ANKRD54: variants seen among roughly 807,000 people sequenced by gnomAD.
The protein encoded by ANKRD54 is ankyrin repeat domain 54.
In ANKRD54, 26 loss-of-function variants were observed where a neutral mutation model predicts 36.2. The ratio of observed to expected loss-of-function variants is 0.72; its 90% CI spans 0.53 to 1.00. The LOEUF is 1.00. Ranked by LOEUF, ANKRD54 falls within the 50% of genes least tolerant of loss-of-function variation. The pLI, the probability that ANKRD54 is intolerant of heterozygous loss-of-function variation, is 0.00. For missense variants in ANKRD54, 384 were observed against 424.3 expected (o/e 0.91, Z 0.83); for synonymous variants, 209 against 188.4 (o/e 1.11, Z -0.89).
Position 37,844,034 on chromosome 22 carries a change from G to C in ANKRD54, c.205C>G (p.His69Asp). 1 of 1,439,168 alleles carries C rather than the reference G, an allele frequency of 6.9e-7. No individual in the cohort carries two copies. The highest frequency in any genetic ancestry group is 9.1e-7 in the Non-Finnish European group (1 of 1,102,380). 89.1% of individuals were successfully genotyped at this position (1,439,168 alleles called of 1,614,324 possible). A position where few individuals can be genotyped will look rare whatever the true frequency, so the allele number is the denominator to read the frequency against. Residue 69 changes from histidine (H) to aspartate (D), a missense_variant, in exon 1 of 8, where the codon CAC becomes GAC. By Grantham distance (81) the His-to-Asp change is moderately conservative. This residue lies in a region of ANKRD54 where 195 missense variants were observed against 177.7 expected (regional missense o/e 1.10). Coordinates refer to ENST00000215941, the MANE Select transcript of ANKRD54 (RefSeq NM_138797.4). ...GGAQSPLRYL[H>D]VLWQQDAEPR... ...TCCGCATCCTGCTGCCACAGGACGT[G>C]CAAGTAGCGCAGCGGCGACTGGGCC... is the stretch of plus-strand genomic sequence containing the variant.
Position 37,833,146 on chromosome 22 carries a change from A to G in ANKRD54, c.595+13T>C, listed in dbSNP as rs771910028. On this transcript the variant is annotated intron_variant, in intron 5 of 7. Coordinates refer to ENST00000215941, the MANE Select transcript of ANKRD54 (RefSeq NM_138797.4). ...GGGGAGAAAGAGGACAGAGAGGGGA[A>G]GAAACCACATACCTCCTCGTAGCAG... 3 of 1,613,948 alleles carry G rather than the reference A, an allele frequency of 1.9e-6. No individual in the cohort carries two copies. Among genetic ancestry groups the G allele is most frequent in the Admixed American group, 1.7e-5 (1 of 59,978 alleles).
upstream of ANKRD54, chr22:37,847,909 TCAGAGCAGACACCTGAAGGTGC>T: frequency 3.9e-6 from 1 of 259,698 alleles, no homozygotes; most frequent in Non-Finnish European, 8.3e-6. Context: ...GTGGATGGCA[TCAGAGCAGACACCTGAAGGTGC>T]CATGCAGATA....
chr22:37,838,785 C>G (rs566239179), intron 2 of ANKRD54, among the ~76,000 whole-genome samples, 187 bp from the exon 3 acceptor site: 1 of 152,302 alleles, frequency 6.6e-6, no homozygotes, highest in East Asian at 1.9e-4. Context: ...GAGGGCACAA[C>G]TGAAGGCCAT....
At chr22:37,849,333 C>T (rs749458077), upstream of ANKRD54, 10 of 1,347,856 alleles carry the variant, frequency 7.4e-6, no homozygotes, top group Admixed American at 1.7e-5. Context: ...GGCCAGAGGC[C>T]TCGGAAAGGC....
chr22:37,843,082 C>T (rs1924479795), intron 1 of ANKRD54, among the ~76,000 whole-genome samples: 1 of 152,240 alleles, frequency 6.6e-6, no homozygotes, highest in Non-Finnish European at 1.5e-5. Context: ...AGCATAACAG[C>T]TAAACATCCA....
intron 4 of ANKRD54, 150 bp from the exon 5 acceptor site, chr22:37,833,356 TCAGAA>T (rs1923140661): frequency 1.0e-6 from 1 of 982,772 alleles, no homozygotes; most frequent in African/African-American, 1.7e-5. Context: ...TAGGTAGGAC[TCAGAA>T]GTCAAGTTCA....
intron 6 of ANKRD54, 65 bp from the exon 7 acceptor site, chr22:37,832,809 C>A: frequency 6.2e-7 from 1 of 1,606,326 alleles, no homozygotes; most frequent in East Asian, 2.2e-5. Flanking sequence ...GATGCTGCTT[C>A]CAAAAAGCAC....
intron 1 of ANKRD54, among the ~76,000 whole-genome samples, chr22:37,840,638 C>T (rs1025468833): frequency 5.3e-5 from 8 of 151,924 alleles, no homozygotes; most frequent in Non-Finnish European, 1.2e-4. Flanking sequence ...GTAATCCCAG[C>T]ACTTTGGGAG....
At chr22:37,840,795 G>GC (rs1924136844) in intron 1 of ANKRD54, among the ~76,000 whole-genome samples, 3 of 151,464 alleles carry the variant, frequency 2.0e-5, no homozygotes, top group Admixed American at 2.0e-4. Flanking sequence ...GCTGAGGTAG[G>GC]AGAATCACTT....
chr22:37,838,683 T>C, intron 2 of ANKRD54, 85 bp from the exon 3 acceptor site: 1 of 1,375,436 alleles, frequency 7.3e-7, no homozygotes, highest in Non-Finnish European at 1.0e-6. Context: ...AGAGGGAGGC[T>C]CAGGGGTGCC....
intron 1 of ANKRD54, among the ~76,000 whole-genome samples, chr22:37,842,686 C>G (rs987209583): frequency 6.6e-6 from 1 of 152,196 alleles, no homozygotes; most frequent in African/African-American, 2.4e-5. Context: ...ATGACAATTC[C>G]TTGCTTTCAT....
intron 4 of ANKRD54, 104 bp from the exon 5 acceptor site, chr22:37,833,310 G>A: frequency 7.0e-7 from 1 of 1,419,930 alleles, no homozygotes; most frequent in African/African-American, 1.4e-5. Context: ...CCTGTGCCAA[G>A]TTATGCCTAC....
chr22:37,842,240 C>T (rs1213810475), intron 1 of ANKRD54, among the ~76,000 whole-genome samples: 1 of 152,112 alleles, frequency 6.6e-6, no homozygotes, highest in South Asian at 2.1e-4. Flanking sequence ...GGTGGTAAAG[C>T]GAGACTCTCG....
chr22:37,836,349 G>A (rs1003735412), intron 3 of ANKRD54, among the ~76,000 whole-genome samples: 1 of 149,600 alleles, frequency 6.7e-6, no homozygotes, highest in African/African-American at 2.5e-5. Flanking sequence ...GGGAGGATGA[G>A]GCAGGAGAAT....
At chr22:37,848,823 C>A (rs1160951677), upstream of ANKRD54, 1 of 152,540 alleles carries the variant, frequency 6.6e-6, no homozygotes, top group Non-Finnish European at 1.5e-5. Flanking sequence ...TTCCTTCACG[C>A]GAGAAGCCGG....
At chr22:37,842,348 C>G (rs922462710) in intron 1 of ANKRD54, among the ~76,000 whole-genome samples, 1 of 152,212 alleles carries the variant, frequency 6.6e-6, no homozygotes, top group Non-Finnish European at 1.5e-5. Flanking sequence ...GCAAATCCTC[C>G]AAGACTTTTG....
chr22:37,838,962 C>G (rs1399902517), intron 2 of ANKRD54, among the ~76,000 whole-genome samples: 1 of 152,168 alleles, frequency 6.6e-6, no homozygotes, highest in Non-Finnish European at 1.5e-5. Context: ...AACAGCTGCC[C>G]AAGCTATTGG....
chr22:37,847,747 AG>A, upstream of ANKRD54: 1 of 411,594 alleles, frequency 2.4e-6, no homozygotes, highest in South Asian at 1.9e-5. Context: ...GGTTCAGGGA[AG>A]GTCCTGAACC....
intron 1 of ANKRD54, among the ~76,000 whole-genome samples, chr22:37,842,313 G>A (rs1478145193): frequency 2.0e-5 from 3 of 152,212 alleles, no homozygotes; most frequent in Non-Finnish European, 4.4e-5. Context: ...ATGAGGCGGA[G>A]CTAGTACAAA....
Sources: allele counts gnomAD v4.1 joint callset (sites outside exome capture counted in the v4.1 genomes callset), GRCh38; gene constraint gnomAD v4.1.1; regional missense constraint gnomAD v4.1.1; transcripts MANE v1.5; gene names NCBI Gene and HGNC (gene_info 2026-07-23, HGNC 2026-07-21).